The following TNC variants were observed in gnomAD, a reference collection of about 807,000 sequenced individuals.
TNC encodes tenascin.
Under a neutral mutation model 202.4 loss-of-function variants are expected in TNC, and 109 were observed. That is an observed-to-expected ratio of 0.54 (90% CI 0.46 to 0.63). The LOEUF (loss-of-function observed/expected upper bound fraction) is 0.63. Among genes scored for constraint, TNC ranks in the 30% least tolerant of loss-of-function variants. TNC has a pLI of 0.00. For missense variants in TNC, 2,756 were observed against 2,833.3 expected (o/e 0.97, Z 0.62); for synonymous variants, 1,007 against 1,089.7 (o/e 0.92, Z 1.50).
At chr9:115,053,082 G>A in intron 15 of TNC, 1 of 658,568 alleles carries the variant, frequency 1.5e-6, no homozygotes, top group Non-Finnish European at 2.8e-6. Flanking sequence ...GATTTTTCCA[G>A]AATGTAGCCA....
At chr9:115,037,704 T>G (rs1830438644) in intron 20 of TNC, among the ~76,000 whole-genome samples, 1 of 152,058 alleles carries the variant, frequency 6.6e-6, no homozygotes, top group South Asian at 2.1e-4. Context: ...ATTTTTGTAT[T>G]TTTAGAAGAG....
At chr9:115,029,511 A>C (rs1184649750) in intron 24 of TNC, 55 bp from the exon 25 acceptor site, 2 of 1,545,508 alleles carry the variant, frequency 1.3e-6, no homozygotes, top group African/African-American at 2.7e-5. Context: ...GAAAGAGGGC[A>C]TCGTTGTGAG....
chr9:115,094,815 CTCTG>C (rs1383852156), intron 1 of TNC, among the ~76,000 whole-genome samples: 24,333 of 125,018 alleles, frequency 0.19, 2,824 homozygotes, highest in Middle Eastern at 0.26. Flanking sequence ...GAACAAGTGC[CTCTG>C]TGTGTGTGTG....
At chr9:115,060,033 T>C in intron 13 of TNC, 31 bp from the exon 14 acceptor site, 1 of 1,565,948 alleles carries the variant, frequency 6.4e-7, no homozygotes, top group Admixed American at 1.9e-5. Flanking sequence ...ATTTGTCAGT[T>C]CTATAAACCA....
intron 15 of TNC, among the ~76,000 whole-genome samples, chr9:115,051,198 A>G (rs1402590069): frequency 6.6e-6 from 1 of 152,300 alleles, no homozygotes; most frequent in East Asian, 1.9e-4. Flanking sequence ...AGCATTTGCC[A>G]AATTGAACAT....
intron 15 of TNC, among the ~76,000 whole-genome samples, chr9:115,052,226 G>A (rs1005549561): frequency 3.9e-5 from 6 of 151,996 alleles, no homozygotes; most frequent in Admixed American, 2.0e-4. Flanking sequence ...CAAATACTGC[G>A]TGATCTCATT....
chr9:115,110,121 T>C (rs1307485680), intron 1 of TNC, among the ~76,000 whole-genome samples: 1 of 152,114 alleles, frequency 6.6e-6, no homozygotes. Context: ...CTGGAGGAAG[T>C]GGTGCCTGAA....
At chr9:115,108,569 T>G (rs988568628) in intron 1 of TNC, among the ~76,000 whole-genome samples, 2 of 152,240 alleles carry the variant, frequency 1.3e-5, no homozygotes, top group Non-Finnish European at 2.9e-5. Flanking sequence ...TACCTTGTTT[T>G]GTCTTTCTTC....
At chr9:115,035,379 T>C (rs954120761) in intron 21 of TNC, 45 bp from the exon 22 acceptor site, 2 of 1,574,088 alleles carry the variant, frequency 1.3e-6, no homozygotes, top group South Asian at 1.2e-5. Context: ...TCAGCAAATG[T>C]AGGGCAGAAA....
At chr9:115,032,213 A>G (rs964718382) in intron 22 of TNC, among the ~76,000 whole-genome samples, 2 of 152,214 alleles carry the variant, frequency 1.3e-5, no homozygotes, top group Non-Finnish European at 2.9e-5. Context: ...GGAGGCAATA[A>G]GCGACCTCAA....
intron 18 of TNC, 57 bp downstream of exon 18, chr9:115,042,162 T>G: frequency 1.9e-6 from 3 of 1,562,332 alleles, no homozygotes; most frequent in Non-Finnish European, 2.6e-6. Flanking sequence ...GTCTTTTTCA[T>G]GAATCCATCC....
chr9:115,052,659 T>G, intron 15 of TNC: 1 of 628,368 alleles, frequency 1.6e-6, no homozygotes, highest in South Asian at 1.8e-5. Context: ...GTGAAGATTG[T>G]ATTTTTGTTG....
intron 1 of TNC, among the ~76,000 whole-genome samples, chr9:115,096,700 T>G (rs1287414806): frequency 1.3e-5 from 2 of 152,216 alleles, no homozygotes; most frequent in Non-Finnish European, 2.9e-5. Flanking sequence ...TGCATTGTAG[T>G]TTCCATACCT....
chr9:115,115,945 A>G (rs1471625721), intron 1 of TNC, among the ~76,000 whole-genome samples: 1 of 152,248 alleles, frequency 6.6e-6, no homozygotes, highest in Non-Finnish European at 1.5e-5. Context: ...TTTAAAAATC[A>G]TGATCTTAGA....
chr9:115,038,921 G>A (rs1310834373), intron 19 of TNC, among the ~76,000 whole-genome samples: 1 of 151,936 alleles, frequency 6.6e-6, no homozygotes, highest in East Asian at 1.9e-4. Flanking sequence ...TCTGCCTCCC[G>A]GGTTCAAGCA....
rs1833631321 is a variant in TNC, at chr9:115,073,729, G to A, written c.3088C>T (p.Gln1030Ter). The part of the protein sequence containing the change: ...SLPTGQWVGV[Q>*]LPRNTTSYVL... ...TAGGAAGTGGTGTTTCTTGGAAGCTGCACTCCCACCCACTGGCCTGTGGGG... is the reference window on the plus strand; with the variant it reads ...TAGGAAGTGGTGTTTCTTGGAAGCTACACTCCCACCCACTGGCCTGTGGGG... The change falls in exon 10 of 28, where the codon CAG (glutamine) becomes TAG (stop). Residue 1030 changes from glutamine to a stop codon, truncating the protein, a stop_gained. Coordinates refer to ENST00000350763, the MANE Select transcript of TNC (RefSeq NM_002160.4). LOFTEE classifies it high-confidence loss of function. 1 of 1,614,164 alleles carries A rather than the reference G, an allele frequency of 6.2e-7. No homozygotes were observed. The highest frequency in any genetic ancestry group is 8.5e-7 in the Non-Finnish European group (1 of 1,180,024).
In TNC at chr9:115,076,573, G is replaced by A. The variant is rs201547691; in HGVS notation, c.2677C>T (p.Leu893Phe). The A allele has an allele frequency of 4.0e-5, 64 of 1,614,104 alleles. No individual in the cohort carries two copies. Among genetic ancestry groups the A allele is most frequent in the Non-Finnish European group, 5.2e-5 (61 of 1,179,976 alleles). Residue 893 changes from leucine to phenylalanine, a missense_variant and splice_region_variant, in exon 8 of 28, where the codon CTC becomes TTC. By Grantham distance (22) the Leu-to-Phe change is conservative. This residue lies in a region of TNC where 2,559 missense variants were observed against 2,546.0 expected (regional missense o/e 1.01). Transcript: ENST00000350763. ...CGTCGAAGATTCCTGGGAGCATCGA[G>A]GCCTGTTTGAGAGAAGGAACATTTG... The part of the protein sequence containing the change: ...NPAKETFTTG[L>F]DAPRNLRRVS...
chr9:115,059,920 A>G lies in TNC; in HGVS notation c.4116T>C (p.Asn1372=), dbSNP rs747331613. 6.2e-7 allele frequency: 1 copy of G among 1,614,004 alleles called. No homozygotes were observed. Among genetic ancestry groups the G allele is most frequent in the African/African-American group, 1.3e-5 (1 of 74,908 alleles). ...GLRLNWTAAD[N]AYEHFVIQVQ... ...CCTGAATGACAAAGTGCTCATAGGCATTGTCAGCTGCGGTCCAGTTGAGTC... is the reference window on the plus strand; with the variant it reads ...CCTGAATGACAAAGTGCTCATAGGCGTTGTCAGCTGCGGTCCAGTTGAGTC... The change falls in exon 14 of 28, where the codon AAT becomes AAC. Residue 1372 remains asparagine (N), a synonymous_variant. Coordinates refer to ENST00000350763, the MANE Select transcript of TNC (RefSeq NM_002160.4).
At chr9:115,052,031 G>GATAA (rs1564441778) in intron 15 of TNC, among the ~76,000 whole-genome samples, 1 of 149,310 alleles carries the variant, frequency 6.7e-6, no homozygotes, top group Non-Finnish European at 1.5e-5. Context: ...TGTATAGATA[G>GATAA]ATCATATTTA....
Sources: gnomAD v4.1 joint callset for allele counts (sites outside exome capture counted in the v4.1 genomes callset) on GRCh38, gnomAD v4.1.1 for gene constraint, gnomAD v4.1.1 regional missense constraint, MANE v1.5 for transcripts, NCBI Gene and HGNC (gene_info 2026-07-23, HGNC 2026-07-21) for gene names.